Variants in ATP6V0E2 observed in about 807,000 individuals in gnomAD.
ATP6V0E2 encodes ATPase H+ transporting V0 subunit e2, also known as V-type proton ATPase subunit e 2.
ATP6V0E2 carries 4 observed loss-of-function variants against 11.5 expected under a neutral mutation model. The ratio of observed to expected loss-of-function variants is 0.35; its 90% confidence interval spans 0.17 to 0.80. ATP6V0E2 has a LOEUF of 0.80. Among genes scored for constraint, ATP6V0E2 ranks in the 30% least tolerant of loss-of-function variants. The pLI is 0.53. For missense variants in ATP6V0E2, 93 were observed against 113.5 expected, an observed-to-expected ratio of 0.82 and a Z score of 0.82; for synonymous variants, 52 against 51.0, an observed-to-expected ratio of 1.02 and a Z score of -0.09.
rs545112630 is a variant in ATP6V0E2 at position 149,874,152 on chromosome 7, G to A, written c.87G>A (p.Pro29=). The A allele has an allele frequency of 1.9e-6, 3 of 1,549,460 alleles. No individual in the cohort carries two copies. Among genetic ancestry groups the A allele is most frequent in the East Asian group, 2.4e-5 (1 of 40,864 alleles). ...GCATCGCCGGGCCCTGGTTCGTGCC[G>A]AAGGGACCCAACCGCGGGTAAGGAA... ...LVGIAGPWFV[P]KGPNRGVIIT... The change falls in exon 1 of 4, where the codon CCG becomes CCA. Residue 29 remains proline (P), a synonymous_variant. Coordinates refer to ENST00000425642, the MANE Select transcript of ATP6V0E2 (RefSeq NM_145230.4).
At chr7:149,873,837 C>G, upstream of ATP6V0E2, 1 of 1,437,758 alleles carries the variant, frequency 7.0e-7, no homozygotes, top group Non-Finnish European at 9.1e-7. Flanking sequence ...GCATTTCTCT[C>G]TGTCCGCGGC....
chr7:149,877,349 AT>A (rs1229236993), intron 2 of ATP6V0E2, among the ~76,000 whole-genome samples: 1 of 152,068 alleles, frequency 6.6e-6, no homozygotes, highest in African/African-American at 2.4e-5. Context: ...TGCCTGGCTG[AT>A]TTTTAAATTT....
chr7:149,878,606 T>C (rs1401101942), intron 2 of ATP6V0E2, 72 bp from the exon 3 acceptor site: 1 of 1,404,404 alleles, frequency 7.1e-7, no homozygotes. Context: ...CAAAATAATA[T>C]GACCGAGGCC....
In ATP6V0E2 at chr7:149,874,048, G is replaced by A; in HGVS notation, c.-18G>A. ...GCTGCTCGGCCCTGCATCCTGCCTG[G>A]GCATCCTGCGCCCGGCCATGACGGC... On this transcript the variant is annotated 5_prime_UTR_variant, in exon 1 of 4. Transcript: ENST00000425642. 1 of 1,549,758 alleles carries A rather than the reference G, an allele frequency of 6.5e-7. No individual in the cohort carries two copies. The highest frequency in any genetic ancestry group is 8.7e-7 in the Non-Finnish European group (1 of 1,146,606).
Position 149,880,020 on chromosome 7 carries a change from C to T in ATP6V0E2, c.*705C>T, listed in dbSNP as rs1321412181. On this transcript the variant is annotated 3_prime_UTR_variant, in exon 4 of 4. Transcript: ENST00000425642. ...CCCTCAGTGGATGTCTTCCCTCCCC[C>T]GACCCCAGCCTGTCAGTCCGAGCAC... 5 of 198,312 alleles carry T rather than the reference C, an allele frequency of 2.5e-5. No individual in the cohort carries two copies. The highest frequency in any genetic ancestry group is 5.1e-5 in the Non-Finnish European group (5 of 98,814). The allele number at this position is 198,312 out of a possible 1,614,324, so 12.3% of individuals were successfully genotyped here. A position where few individuals can be genotyped will look rare whatever the true frequency, so the allele number is the denominator to read the frequency against.
At position 149,879,366 on chromosome 7, in the gene ATP6V0E2, C is replaced by G. The variant is rs1174914772; in HGVS notation, c.*51C>G. The G allele has an allele frequency of 1.3e-6, 2 of 1,567,990 alleles. No homozygotes were observed. The highest frequency in any genetic ancestry group is 1.2e-5 in the South Asian group (1 of 84,508). On this transcript the variant is annotated 3_prime_UTR_variant, in exon 4 of 4. Transcript: ENST00000425642. ...AGCTCTCGGAATGACTGTGGCTCCA[C>G]TGTCCCTGACAACCCCTTCGTCCGG...
rs191859295 is a variant in ATP6V0E2 at position 149,875,625 on chromosome 7, C to T, written c.132C>T (p.Thr44=). 1.9e-5 allele frequency: 31 copies of T among 1,613,736 alleles called. No individual in the cohort carries two copies. The highest frequency in any genetic ancestry group is 8.9e-5 in the East Asian group (4 of 44,888). The part of the protein sequence containing the change: ...RGVIITMLVA[T]AVCCYLFWLI... Reference sequence around the variant, plus strand: ...TGATCATCACCATGCTGGTCGCCACCGCCGTCTGCTGTTACCTCTTGTAAG... The same window carrying T: ...TGATCATCACCATGCTGGTCGCCACTGCCGTCTGCTGTTACCTCTTGTAAG... The change falls in exon 2 of 4, where the codon ACC becomes ACT. Residue 44 remains threonine (T), a synonymous_variant. Transcript: ENST00000425642.
chr7:149,874,689 G>A, intron 1 of ATP6V0E2: 1 of 154,040 alleles, frequency 6.5e-6, no homozygotes, highest in Non-Finnish European at 1.4e-5. Flanking sequence ...CCATTCACCA[G>A]TTTCTGCTTC....
chr7:149,880,024 C>A lies in ATP6V0E2; in HGVS notation c.*709C>A. On this transcript the variant is annotated 3_prime_UTR_variant, in exon 4 of 4. Coordinates refer to ENST00000425642, the MANE Select transcript of ATP6V0E2 (RefSeq NM_145230.4). ...CAGTGGATGTCTTCCCTCCCCCGAC[C>A]CCAGCCTGTCAGTCCGAGCACAGTG... is the stretch of plus-strand genomic sequence containing the variant. The A allele has an allele frequency of 5.1e-6, 1 of 194,878 alleles. No individual in the cohort carries two copies. Among genetic ancestry groups the A allele is most frequent in the Non-Finnish European group, 1.0e-5 (1 of 96,444 alleles). The allele number at this position is 194,878 out of a possible 1,614,324, so 12.1% of individuals were successfully genotyped here.
intron 2 of ATP6V0E2, 130 bp from the exon 3 acceptor site, chr7:149,878,548 C>T (rs773376670): frequency 3.4e-5 from 24 of 712,708 alleles, no homozygotes; most frequent in Non-Finnish European, 4.9e-5. Flanking sequence ...CTGGGCCCTT[C>T]TTCACCCTGG....
chr7:149,876,046 A>T (rs1803114951), intron 2 of ATP6V0E2: 1 of 465,962 alleles, frequency 2.1e-6, no homozygotes, highest in South Asian at 1.5e-5. Context: ...GTTGTTCATG[A>T]ATGCCCCCAG....
chr7:149,874,325 TG>T (rs1402924506), intron 1 of ATP6V0E2, among the ~76,000 whole-genome samples, 156 bp downstream of exon 1: 3 of 152,020 alleles, frequency 2.0e-5, no homozygotes, highest in African/African-American at 7.2e-5. Flanking sequence ...TCTCTGCACC[TG>T]GGTCTCTGAC....
Position 149,880,489 on chromosome 7 carries a change from GAGC to G in ATP6V0E2, c.*1180_*1182del, listed in dbSNP as rs1255569098. 6.6e-6 allele frequency: 1 copy of G among 152,384 alleles called. No individual in the cohort carries two copies. The highest frequency in any genetic ancestry group is 2.4e-5 in the African/African-American group (1 of 41,448). 9.4% of individuals were successfully genotyped at this position (152,384 alleles called of 1,614,324 possible). ...TCCTGTTCAGCGGGCATTGTCTTTGGAGCAGCAGGAGAATAGGATGCCTCTCAC... is the reference window on the plus strand; with the variant it reads ...TCCTGTTCAGCGGGCATTGTCTTTGGAGCAGGAGAATAGGATGCCTCTCAC... On this transcript the variant is annotated 3_prime_UTR_variant, in exon 4 of 4. Transcript: ENST00000425642.
intron 2 of ATP6V0E2, among the ~76,000 whole-genome samples, chr7:149,876,651 C>T: frequency 6.6e-6 from 1 of 152,220 alleles, no homozygotes; most frequent in East Asian, 1.9e-4. Flanking sequence ...TTAGATGATC[C>T]TGGCTGCCAA....
rs925386183 is a variant in ATP6V0E2 at position 149,874,125 on chromosome 7, C to G, written c.60C>G (p.Val20=). ...TCTTCACCACGTTCTGGGGCCTCGT[C>G]GGCATCGCCGGGCCCTGGTTCGTGC... ...VIIFTTFWGL[V]GIAGPWFVPK... is the part of the protein sequence containing the mutation. The change falls in exon 1 of 4, where the codon GTC becomes GTG. Residue 20 remains valine (V), a synonymous_variant. Transcript: ENST00000425642. 2.6e-6 allele frequency: 4 copies of G among 1,549,788 alleles called. No homozygotes were observed. The Admixed American group carries it at 5.9e-5, about 23-fold the overall frequency.
At chr7:149,873,908 T>A (rs1802967366), upstream of ATP6V0E2, 4 of 1,508,446 alleles carry the variant, frequency 2.7e-6, no homozygotes, top group Non-Finnish European at 3.5e-6. Flanking sequence ...CGCGGCGGGC[T>A]GGATCAGGAG....
At chr7:149,873,963 A>T, upstream of ATP6V0E2, 1 of 1,545,042 alleles carries the variant, frequency 6.5e-7, no homozygotes, top group Non-Finnish European at 8.7e-7. Flanking sequence ...CGGGTGCTCG[A>T]CTCCTGTTGC....
chr7:149,877,146 T>A (rs925362156), intron 2 of ATP6V0E2, among the ~76,000 whole-genome samples: 2 of 152,026 alleles, frequency 1.3e-5, no homozygotes, highest in Non-Finnish European at 2.9e-5. Context: ...TGCCTCAGCC[T>A]CCCCAAGGAG....
rs772529785 is a variant in ATP6V0E2 at position 149,878,720 on chromosome 7, G to A, written c.195G>A (p.Gly65=). 2 of 1,612,950 alleles carry A rather than the reference G, an allele frequency of 1.2e-6. No homozygotes were observed. The highest frequency in any genetic ancestry group is 1.7e-5 in the Admixed American group (1 of 60,018). Residue 65 remains glycine (G), a synonymous_variant, in exon 3 of 4, where the codon GGG becomes GGA. Transcript: ENST00000425642. ...AILAQLNPLF[G]PQLKNETIWY... is the part of the protein sequence containing the mutation. ...TGGCGCAGCTGAACCCCCTGTTCGG[G>A]CCCCAGCTGAAGAATGAGACCATCT...
Sources: allele counts gnomAD v4.1 joint callset (sites outside exome capture counted in the v4.1 genomes callset), GRCh38; gene constraint gnomAD v4.1.1; transcripts MANE v1.5; gene names NCBI Gene and HGNC (gene_info 2026-07-23, HGNC 2026-07-21).